Variants in PDE4D observed in about 807,000 individuals in gnomAD.
PDE4D encodes 3',5'-cyclic-AMP phosphodiesterase 4D.
A neutral mutation model predicts 87.4 loss-of-function variants in PDE4D; 24 were observed. The ratio of observed to expected loss-of-function variants is 0.27; its 90% CI spans 0.20 to 0.39. PDE4D has a LOEUF of 0.39. Among genes scored for constraint, PDE4D ranks in the 10% least tolerant of loss-of-function variants. PDE4D has a pLI of 1.00. For synonymous variants in PDE4D, 384 were observed against 383.2 expected (o/e 1.00, Z -0.02); for missense variants, 714 against 1,041.0 (o/e 0.69, Z 4.32).
intron 1 of PDE4D, among the ~76,000 whole-genome samples, chr5:59,519,176 A>G (rs773347672): frequency 3.3e-5 from 5 of 152,026 alleles, no homozygotes; most frequent in Admixed American, 6.6e-5. Context: ...TTGAGCACCT[A>G]TTATGTGACA....
chr5:59,511,887 T>C (rs1321758467), intron 1 of PDE4D, among the ~76,000 whole-genome samples: 2 of 152,094 alleles, frequency 1.3e-5, no homozygotes, highest in South Asian at 4.1e-4. Context: ...CTGAAAACAC[T>C]GAATTTCTGT....
rs376948187 is a variant in PDE4D, at chr5:60,498,122, T to A, written n.70+23929A>T. Among the ~76,000 whole-genome samples, 16 of 151,830 alleles carry A rather than the reference T, an allele frequency of 1.1e-4. No homozygotes were observed. In the East Asian group the frequency reaches 2.7e-3, roughly 26 times the overall value. ...GATAACAGAAAGAAGGCAAGAACAG[T>A]TTGGAGGAACATCCCCAGAACCAGT... On this transcript the variant is annotated intron_variant and non_coding_transcript_variant, in intron 1 of 2. Coordinates refer to the PDE4D transcript ENST00000506510.
intron 1 of PDE4D, chr5:59,356,959 C>T (rs1781480209): frequency 7.5e-7 from 1 of 1,338,428 alleles, no homozygotes; most frequent in East Asian, 2.9e-5. Flanking sequence ...TGAGTGAGGG[C>T]ATTTCCTTTG....
At chr5:60,328,507 T>C (rs747359094) in intron 1 of PDE4D, among the ~76,000 whole-genome samples, 8 of 152,264 alleles carry the variant, frequency 5.3e-5, no homozygotes, top group Non-Finnish European at 1.2e-4. Flanking sequence ...TTCATTTTCA[T>C]TGCTGTATAA....
rs560347418 is a variant in PDE4D, at chr5:58,969,500, T to C, written c.*5164A>G. 6.6e-6 allele frequency: 1 copy of C among 152,336 alleles called. No homozygotes were observed. Among genetic ancestry groups the C allele is most frequent in the East Asian group, 1.9e-4 (1 of 5,192 alleles). 9.4% of individuals were successfully genotyped at this position (152,336 alleles called of 1,614,324 possible). A position where few individuals can be genotyped will look rare whatever the true frequency, so the allele number is the denominator to read the frequency against. ...GTCAACTTTTTCCCTAGTTACCTCT[T>C]ACAATCCTTCAGAACTCAGATGCAA... On this transcript the variant is annotated 3_prime_UTR_variant, in exon 15 of 15. Coordinates refer to ENST00000340635, the MANE Select transcript of PDE4D (RefSeq NM_001104631.2).
chr5:60,049,236 T>C (rs577072270), intron 2 of PDE4D, among the ~76,000 whole-genome samples: 2 of 152,344 alleles, frequency 1.3e-5, no homozygotes, highest in South Asian at 2.1e-4. Context: ...TAAGCACTTC[T>C]CTGTATTGGT....
chr5:59,746,933 C>T (rs1011895749), intron 1 of PDE4D, among the ~76,000 whole-genome samples: 1 of 152,198 alleles, frequency 6.6e-6, no homozygotes, highest in African/African-American at 2.4e-5. Context: ...CATTAATCTG[C>T]TCCCCTCCTA....
intron 1 of PDE4D, among the ~76,000 whole-genome samples, chr5:59,875,460 C>CAAAAAAAAAAAAAAAAA (rs3062667): frequency 1.8e-4 from 7 of 39,694 alleles, no homozygotes; most frequent in African/African-American, 7.2e-4. Flanking sequence ...ACCTCCGTCT[C>CAAAAAAAAAAAAAAAAA]AAAAAAAAAA....
At chr5:59,252,176 A>G (rs1760089415) in intron 1 of PDE4D, among the ~76,000 whole-genome samples, 1 of 152,196 alleles carries the variant, frequency 6.6e-6, no homozygotes, top group African/African-American at 2.4e-5. Context: ...ACCTAAAATA[A>G]AAATTAAAAA....
intron 1 of PDE4D, among the ~76,000 whole-genome samples, chr5:59,595,518 C>T (rs995299069): frequency 3.9e-5 from 6 of 152,054 alleles, no homozygotes; most frequent in African/African-American, 1.2e-4. Flanking sequence ...AATATTTCAC[C>T]GACCTCTGAA....
intron 1 of PDE4D, among the ~76,000 whole-genome samples, chr5:59,291,144 AGCACTATTAACAATAGCCAGGATTTG>A (rs1420289611): frequency 1.3e-5 from 2 of 152,150 alleles, no homozygotes; most frequent in Admixed American, 6.6e-5. Context: ...TGTTTATTGC[AGCACTATTAACAATAGCCAGGATTTG>A]GAAGCAATCT....
At chr5:59,860,721 G>A (rs566170067) in intron 1 of PDE4D, among the ~76,000 whole-genome samples, 4 of 152,060 alleles carry the variant, frequency 2.6e-5, no homozygotes, top group East Asian at 1.9e-4. Flanking sequence ...AATATAAACC[G>A]AAGGTCCTCC....
rs6450539 is a variant in PDE4D at position 60,031,858 on chromosome 5, G to A, written c.43-43141C>T. Among the ~76,000 whole-genome samples, 6 of 152,232 alleles carry A rather than the reference G, an allele frequency of 3.9e-5. No homozygotes were observed. The East Asian group carries it at 1.2e-3, about 29-fold the overall frequency. The stretch of plus-strand genomic sequence containing the variant: ...GGAATTATTTACCTCAGAGAAAATA[G>A]TCAAAACCTGATGTAATTACATATG... On this transcript the variant is annotated intron_variant, in intron 2 of 16. Transcript: ENST00000502484.
At chr5:60,119,283 A>C (rs1778447701) in intron 2 of PDE4D, among the ~76,000 whole-genome samples, 1 of 152,196 alleles carries the variant, frequency 6.6e-6, no homozygotes, top group Admixed American at 6.5e-5. Flanking sequence ...AATAGTTTAC[A>C]ATTTGACTGA....
At chr5:60,222,931 G>A (rs1744661500) in intron 1 of PDE4D, among the ~76,000 whole-genome samples, 1 of 152,230 alleles carries the variant, frequency 6.6e-6, no homozygotes, top group African/African-American at 2.4e-5. Flanking sequence ...TTAAAGATAT[G>A]AATTGTAAAT....
intron 1 of PDE4D, chr5:59,797,057 T>C (rs775168432): frequency 6.6e-6 from 1 of 151,050 alleles, no homozygotes; most frequent in Non-Finnish European, 1.5e-5. Context: ...TTGTCATATA[T>C]ACCTGAGCCG....
chr5:59,387,559 G>T (rs1014081237), intron 1 of PDE4D, among the ~76,000 whole-genome samples: 4 of 152,054 alleles, frequency 2.6e-5, no homozygotes, highest in African/African-American at 9.7e-5. Flanking sequence ...CATAGTTAGG[G>T]TGGCGTATGG....
chr5:59,370,848 ATGAT>A (rs1783825500), intron 1 of PDE4D, among the ~76,000 whole-genome samples: 1 of 152,208 alleles, frequency 6.6e-6, no homozygotes, highest in Admixed American at 6.5e-5. Context: ...CTTAAACGTT[ATGAT>A]TGATATTGGC....
rs755378627 is a variant in PDE4D, at chr5:59,893,368, CGGGGGCGGCGGCAGG to C, written c.240_254del (p.Leu81_Pro85del). 120 of 1,240,740 alleles carry C rather than the reference CGGGGGCGGCGGCAGG, an allele frequency of 9.7e-5. 1 individual carries two copies. In the South Asian group the frequency reaches 2.5e-3, roughly 26 times the overall value. The allele number at this position is 1,240,740 out of a possible 1,614,324, so 76.9% of individuals were successfully genotyped here. ...GGCCGCGGGCAGCCCCGGGCGGCGGCGGGGGCGGCGGCAGGGGGGGCGGCGGCGGCGGCTGTAGCG... is the reference window on the plus strand; with the variant it reads ...GGCCGCGGGCAGCCCCGGGCGGCGGCGGGGGCGGCGGCGGCGGCTGTAGCG... On this transcript the variant is annotated inframe_deletion, in exon 1 of 15. Transcript: ENST00000340635.
Sources: allele counts gnomAD v4.1 joint callset (sites outside exome capture counted in the v4.1 genomes callset), GRCh38; gene constraint gnomAD v4.1.1; transcripts MANE v1.5; gene names NCBI Gene and HGNC (gene_info 2026-07-23, HGNC 2026-07-21).